BARX2: variants seen among roughly 807,000 people sequenced by gnomAD.
BARX2 encodes homeobox protein BarH-like 2.
BARX2 carries 11 observed loss-of-function variants against 25.5 expected under a neutral mutation model. The observed-to-expected ratio is 0.43, with a 90% CI of 0.27 to 0.71. The LOEUF (loss-of-function observed/expected upper bound fraction) is 0.71. Ranked by LOEUF, BARX2 falls within the 30% of genes least tolerant of loss-of-function variation. BARX2 has a pLI of 0.19. For missense variants in BARX2, 360 were observed against 359.9 expected, an observed-to-expected ratio of 1.00 and a Z score of 0.00; for synonymous variants, 137 against 149.5, an observed-to-expected ratio of 0.92 and a Z score of 0.61.
chr11:129,389,969 G>A (rs931282821), intron 1 of BARX2, among the ~76,000 whole-genome samples: 1 of 152,152 alleles, frequency 6.6e-6, no homozygotes, highest in African/African-American at 2.4e-5. Flanking sequence ...TGGTAATGAT[G>A]GATGGCTGTC....
intron 1 of BARX2, among the ~76,000 whole-genome samples, chr11:129,378,472 T>C (rs1435972587): frequency 6.6e-6 from 1 of 152,062 alleles, no homozygotes; most frequent in Non-Finnish European, 1.5e-5. Context: ...ATTAGATGAA[T>C]GTAATCTTTT....
chr11:129,435,742 A>G (rs7119482), intron 1 of BARX2, among the ~76,000 whole-genome samples: 21,192 of 152,256 alleles, frequency 0.14, 1,588 homozygotes, highest in Middle Eastern at 0.17. Flanking sequence ...AAAATGATTC[A>G]CATAGGTAAT....
intron 1 of BARX2, among the ~76,000 whole-genome samples, chr11:129,429,097 C>T (rs146193122): frequency 3.2e-4 from 49 of 151,054 alleles, no homozygotes; most frequent in African/African-American, 1.0e-3. Flanking sequence ...TTTTAAATAA[C>T]CAGCAATTGC....
At chr11:129,406,585 G>C (rs1452083920) in intron 1 of BARX2, among the ~76,000 whole-genome samples, 1 of 151,590 alleles carries the variant, frequency 6.6e-6, no homozygotes, top group African/African-American at 2.4e-5. Flanking sequence ...CTGTGACAGT[G>C]CTTGGGGAGG....
chr11:129,423,543 A>G (rs1862031086), intron 1 of BARX2, among the ~76,000 whole-genome samples: 1 of 152,188 alleles, frequency 6.6e-6, no homozygotes, highest in African/African-American at 2.4e-5. Flanking sequence ...GTGCCCTGAC[A>G]TTGTGCACAT....
At chr11:129,420,256 A>G (rs527475275) in intron 1 of BARX2, among the ~76,000 whole-genome samples, 8 of 152,264 alleles carry the variant, frequency 5.3e-5, no homozygotes, top group Admixed American at 3.3e-4. Context: ...AATACATCAC[A>G]TCATTAGCTG....
At chr11:129,434,616 A>G (rs975964533) in intron 1 of BARX2, among the ~76,000 whole-genome samples, 2 of 152,042 alleles carry the variant, frequency 1.3e-5, no homozygotes, top group African/African-American at 2.4e-5. Flanking sequence ...TTATTTAATT[A>G]TTTTCCTGTT....
chr11:129,385,035 C>T (rs1861604269), intron 1 of BARX2, among the ~76,000 whole-genome samples: 1 of 152,134 alleles, frequency 6.6e-6, no homozygotes, highest in Non-Finnish European at 1.5e-5. Flanking sequence ...AGGAAGATCT[C>T]AATGGCCAGT....
intron 1 of BARX2, among the ~76,000 whole-genome samples, chr11:129,395,726 A>G (rs979288847): frequency 6.6e-6 from 1 of 152,150 alleles, no homozygotes; most frequent in African/African-American, 2.4e-5. Flanking sequence ...TTCTCCTTAA[A>G]GAGAATCTCT....
At position 129,436,819 on chromosome 11, in the gene BARX2, C is replaced by G; in HGVS notation, c.256C>G (p.Leu86Val). 2 of 1,613,802 alleles carry G rather than the reference C, an allele frequency of 1.2e-6. No homozygotes were observed. The highest frequency in any genetic ancestry group is 1.7e-6 in the Non-Finnish European group (2 of 1,179,882). Residue 86 changes from leucine (L) to valine (V), a missense_variant, in exon 2 of 4, where the codon CTG (leucine) becomes GTG (valine). This residue lies in a region of BARX2 where 240 missense variants were observed against 228.7 expected (regional missense o/e 1.05). Coordinates refer to ENST00000281437, the MANE Select transcript of BARX2 (RefSeq NM_003658.5). The surrounding 1 kb of genome is among the most constrained non-coding windows in gnomAD (Gnocchi z 4.5). Reference protein sequence around the residue: ...ITRQPTVISHLVPATPGIAQA... With the variant: ...ITRQPTVISHVVPATPGIAQA... ...CCGCCAGCCCACTGTCATCTCCCAC[C>G]TGGTCCCTGCCACCCCGGGAATCGC...
At chr11:129,426,025 A>G (rs1295748156) in intron 1 of BARX2, among the ~76,000 whole-genome samples, 1 of 141,878 alleles carries the variant, frequency 7.0e-6, no homozygotes, top group East Asian at 2.0e-4. Context: ...TTTTTTAATG[A>G]GGTAGTTAAT....
chr11:129,426,807 T>G lies in BARX2; in HGVS notation c.188-9944T>G, dbSNP rs183881558. ...CCTCAAACTTTTCTGTGGATTTTTT[T>G]TTTTTTAACAGATCTACTAAACCCA... On this transcript the variant is annotated intron_variant, in intron 1 of 3. Coordinates refer to ENST00000281437, the MANE Select transcript of BARX2 (RefSeq NM_003658.5). Among the ~76,000 whole-genome samples, 52 of 152,306 alleles carry G rather than the reference T, an allele frequency of 3.4e-4. No homozygotes were observed. The East Asian group carries it at 7.7e-3, about 23-fold the overall frequency.
chr11:129,451,458 CAGGGAGAGT>C lies in BARX2; in HGVS notation c.*65_*73del. The stretch of plus-strand genomic sequence containing the variant: ...TGGGGAGAAGGGAAAAGAGAGAAGG[CAGGGAGAGT>C]AGGGAGAGAAAACCTTCCAGCAGCC... On this transcript the variant is annotated 3_prime_UTR_variant, in exon 4 of 4. Coordinates refer to ENST00000281437, the MANE Select transcript of BARX2 (RefSeq NM_003658.5). The C allele has an allele frequency of 1.3e-6, 2 of 1,571,894 alleles. No homozygotes were observed. The highest frequency in any genetic ancestry group is 1.7e-6 in the Non-Finnish European group (2 of 1,154,686).
rs1313527677 is a variant in BARX2, at chr11:129,376,798, TAAGTC to T, written c.187+580_187+584del. On this transcript the variant is annotated intron_variant, in intron 1 of 3. Transcript: ENST00000281437. The surrounding 1 kb of genome is among the most constrained non-coding windows in gnomAD (Gnocchi z 4.2). The stretch of plus-strand genomic sequence containing the variant: ...CCGAAAAGGTCACCCTCGTTTGTCT[TAAGTC>T]AAGCCGAAAAGGTCACCCTCGTTTG... 3.3e-5 allele frequency among the ~76,000 whole-genome samples: 5 copies of T among 152,190 alleles called. No homozygotes were observed. Among genetic ancestry groups the T allele is most frequent in the African/African-American group, 9.7e-5 (4 of 41,434 alleles).
chr11:129,410,101 A>T (rs979386426), intron 1 of BARX2, among the ~76,000 whole-genome samples: 1 of 152,220 alleles, frequency 6.6e-6, no homozygotes, highest in African/African-American at 2.4e-5. Context: ...AATGAATAGA[A>T]AATGTTTATG....
chr11:129,436,412 C>A lies in BARX2; in HGVS notation c.188-339C>A, dbSNP rs1025121885. ...GGGTTTCTGAAATATGTGTCTCTAGCTTTTCCTGACTACTTCTTTTCATCT... is the reference window on the plus strand; with the variant it reads ...GGGTTTCTGAAATATGTGTCTCTAGATTTTCCTGACTACTTCTTTTCATCT... On this transcript the variant is annotated intron_variant, in intron 1 of 3. Transcript: ENST00000281437. The surrounding 1 kb of genome is among the most constrained non-coding windows in gnomAD (Gnocchi z 4.5). The A allele has an allele frequency of 3.3e-6, 1 of 300,764 alleles. No homozygotes were observed. The highest frequency in any genetic ancestry group is 6.1e-6 in the Non-Finnish European group (1 of 164,012). 18.6% of individuals were successfully genotyped at this position (300,764 alleles called of 1,614,324 possible).
At chr11:129,442,948 C>A in intron 3 of BARX2, 29 bp downstream of exon 3, 1 of 1,585,756 alleles carries the variant, frequency 6.3e-7, no homozygotes, top group South Asian at 1.1e-5. Context: ...ACCATGATCC[C>A]TTCCTGATGG....
intron 1 of BARX2, among the ~76,000 whole-genome samples, chr11:129,399,101 T>C (rs145437462): frequency 1.0e-3 from 155 of 152,340 alleles, no homozygotes; most frequent in Non-Finnish European, 1.9e-3. Context: ...ACCTATATGA[T>C]GGTCCCCTGG....
intron 1 of BARX2, among the ~76,000 whole-genome samples, chr11:129,387,025 A>T (rs7124905): frequency 0.072 from 10,969 of 152,216 alleles, 455 homozygotes; most frequent in East Asian, 0.15. Context: ...GATGGAAAGG[A>T]TGGTGGCTCT....
Sources: gnomAD v4.1 joint callset for allele counts (sites outside exome capture counted in the v4.1 genomes callset) on GRCh38, gnomAD v4.1.1 for gene constraint, gnomAD v4.1.1 regional missense constraint, Gnocchi (gnomAD v3.1) non-coding constraint, MANE v1.5 for transcripts, NCBI Gene and HGNC (gene_info 2026-07-23, HGNC 2026-07-21) for gene names.